FAM135A: variants seen among roughly 807,000 people sequenced by gnomAD.
The protein encoded by FAM135A is family with sequence similarity 135 member A.
A neutral mutation model predicts 146.8 loss-of-function variants in FAM135A; 79 were observed. The ratio of observed to expected loss-of-function variants is 0.54; its 90% CI spans 0.45 to 0.65. The LOEUF (loss-of-function observed/expected upper bound fraction) is 0.65. Ranked by LOEUF, FAM135A falls within the 30% of genes least tolerant of loss-of-function variation. The pLI is 0.00. For synonymous variants in FAM135A, 562 were observed against 603.6 expected, an observed-to-expected ratio of 0.93 and a Z score of 1.01; for missense variants, 1,623 against 1,758.2, an observed-to-expected ratio of 0.92 and a Z score of 1.38.
At chr6:70,515,835 G>A (rs139090694) in intron 12 of FAM135A, among the ~76,000 whole-genome samples, 1 of 152,064 alleles carries the variant, frequency 6.6e-6, no homozygotes, top group East Asian at 1.9e-4. Flanking sequence ...AAGAGGGGAA[G>A]CTGGATGTGT....
chr6:70,480,460 G>A (rs1342650668), intron 8 of FAM135A, among the ~76,000 whole-genome samples: 1 of 152,128 alleles, frequency 6.6e-6, no homozygotes, highest in African/African-American at 2.4e-5. Flanking sequence ...AGAGGCATCA[G>A]GTAGATTTAG....
chr6:70,417,739 A>G (rs1361222959), intron 2 of FAM135A: 8 of 451,990 alleles, frequency 1.8e-5, no homozygotes, highest in South Asian at 1.9e-4. Context: ...AAATACTGCT[A>G]TCTATAAATG....
At chr6:70,466,189 C>A (rs369400358) in intron 5 of FAM135A, among the ~76,000 whole-genome samples, 2 of 152,026 alleles carry the variant, frequency 1.3e-5, no homozygotes, top group Non-Finnish European at 2.9e-5. Context: ...CATTTTTTGA[C>A]GATTACATAA....
chr6:70,531,052 C>T (rs1795713282), intron 16 of FAM135A, among the ~76,000 whole-genome samples: 1 of 152,104 alleles, frequency 6.6e-6, no homozygotes, highest in Non-Finnish European at 1.5e-5. Context: ...TAATGATTTC[C>T]CATCAAAATT....
chr6:70,417,503 A>G (rs889669618), intron 2 of FAM135A: 1 of 659,892 alleles, frequency 1.5e-6, no homozygotes, highest in South Asian at 6.8e-5. Context: ...ATGAACTACT[A>G]TGCCTGGCTG....
chr6:70,510,500 T>C (rs549326116), intron 12 of FAM135A, among the ~76,000 whole-genome samples: 16 of 152,228 alleles, frequency 1.1e-4, no homozygotes, highest in African/African-American at 3.4e-4. Context: ...TTTACTGATC[T>C]TGGAAGTTTC....
Position 70,524,391 on chromosome 6 carries a change from C to T in FAM135A, c.1307C>T (p.Ser436Phe), listed in dbSNP as rs1488139073. 6.6e-7 allele frequency: 1 copy of T among 1,516,366 alleles called. No individual in the cohort carries two copies. Among genetic ancestry groups the T allele is most frequent in the South Asian group, 1.3e-5 (1 of 76,906 alleles). 93.9% of individuals were successfully genotyped at this position (1,516,366 alleles called of 1,614,324 possible). ...ATTCAGAATCTTCAGAGATCAGAGT[C>T]CAGTAAAATGGATAAATATGAGACT... ...MGIQNLQRSE[S>F]SKMDKYETEE... is the part of the protein sequence containing the mutation. Residue 436 changes from serine to phenylalanine, a missense_variant, in exon 15 of 22, where the codon TCC (serine) becomes TTC (phenylalanine). Physicochemically the swap from Ser to Phe is radical, Grantham distance 155 (BLOSUM62 -2). Around this residue, in one of 7 missense-constraint regions of FAM135A, gnomAD observed 1,061 missense variants for 1,113.8 expected, o/e 0.95. Coordinates refer to ENST00000418814, the MANE Select transcript of FAM135A (RefSeq NM_001162529.3).
intron 9 of FAM135A, among the ~76,000 whole-genome samples, chr6:70,481,705 T>TA (rs1783736517): frequency 1.3e-5 from 2 of 151,154 alleles, no homozygotes; most frequent in South Asian, 4.2e-4. Context: ...AAAGGGGACA[T>TA]ACTATAAAAG....
intron 9 of FAM135A, 91 bp from the exon 10 acceptor site, chr6:70,481,910 T>C: frequency 2.4e-6 from 3 of 1,234,540 alleles, no homozygotes; most frequent in South Asian, 3.5e-5. Context: ...AGTTGACAGA[T>C]GGTTAAGTAT....
chr6:70,428,995 A>C (rs922976412), intron 4 of FAM135A, among the ~76,000 whole-genome samples: 2 of 152,192 alleles, frequency 1.3e-5, no homozygotes, highest in African/African-American at 4.8e-5. Flanking sequence ...GTTTTGGCTA[A>C]GATCAATAAG....
At chr6:70,416,337 A>G (rs1767571080) in intron 2 of FAM135A, among the ~76,000 whole-genome samples, 1 of 152,244 alleles carries the variant, frequency 6.6e-6, no homozygotes, top group South Asian at 2.1e-4. Context: ...AGGAAATGTA[A>G]GAGTTACACC....
intron 5 of FAM135A, among the ~76,000 whole-genome samples, chr6:70,474,423 C>T (rs1274181964): frequency 2.6e-5 from 4 of 152,148 alleles, no homozygotes; most frequent in Non-Finnish European, 5.9e-5. Flanking sequence ...CCACAAGACT[C>T]CCCTCACGTC....
rs1442179882 is a variant in FAM135A, at chr6:70,524,532, AGAAT to A, written c.1452_1455del (p.Asn484LysfsTer14). The A allele has an allele frequency of 9.0e-6, 14 of 1,550,830 alleles. No individual in the cohort carries two copies. Among genetic ancestry groups the A allele is most frequent in the Non-Finnish European group, 1.1e-5 (13 of 1,146,686 alleles). On this transcript the variant is annotated frameshift_variant, in exon 15 of 22. Coordinates refer to ENST00000418814, the MANE Select transcript of FAM135A (RefSeq NM_001162529.3). LOFTEE classifies it high-confidence loss of function. ...CAGCTAACAAAATCTCTAAAAGGAAAGAATGAAGAATCAAATAAATCCAAAGTTA... is the reference window on the plus strand; with the variant it reads ...CAGCTAACAAAATCTCTAAAAGGAAAGAAGAATCAAATAAATCCAAAGTTA...
intron 5 of FAM135A, among the ~76,000 whole-genome samples, chr6:70,458,520 A>T (rs767440502): frequency 6.6e-6 from 1 of 152,142 alleles, no homozygotes; most frequent in Non-Finnish European, 1.5e-5. Flanking sequence ...CACTATTCCC[A>T]ACATGATTAC....
At chr6:70,521,092 T>C (rs143963048) in intron 12 of FAM135A, among the ~76,000 whole-genome samples, 2 of 152,356 alleles carry the variant, frequency 1.3e-5, no homozygotes, top group African/African-American at 2.4e-5. Context: ...CTAGAGGTTT[T>C]TTTTTGTTTG....
intron 5 of FAM135A, among the ~76,000 whole-genome samples, chr6:70,463,272 T>C (rs1318732854): frequency 6.6e-6 from 1 of 152,016 alleles, no homozygotes; most frequent in Non-Finnish European, 1.5e-5. Flanking sequence ...TTTTTTGAGA[T>C]AGGGTCTTGC....
In FAM135A at chr6:70,525,824, A is replaced by C. The variant is rs751651719; in HGVS notation, c.2740A>C (p.Asn914His). 1 of 1,612,630 alleles carries C rather than the reference A, an allele frequency of 6.2e-7. No individual in the cohort carries two copies. Among genetic ancestry groups the C allele is most frequent in the South Asian group, 1.1e-5 (1 of 90,820 alleles). The change falls in exon 15 of 22, where the codon AAT becomes CAT. Residue 914 changes from asparagine to histidine, a missense_variant. Asn to His is a moderately conservative substitution (Grantham distance 68). This residue lies in a region of FAM135A where 1,061 missense variants were observed against 1,113.8 expected (regional missense o/e 0.95). Transcript: ENST00000418814. ...TGAAACTGTAGCAATACATTCCTTA[A>C]ATTCAAGCATTAAAGACCCTTTACA... ...DNETVAIHSLNSSIKDPLQFV... is the reference protein window; with the variant it reads ...DNETVAIHSLHSSIKDPLQFV...
At chr6:70,428,475 T>A in intron 4 of FAM135A, 56 bp downstream of exon 4, 1 of 1,148,088 alleles carries the variant, frequency 8.7e-7, no homozygotes, top group Non-Finnish European at 1.2e-6. Context: ...AGTTTAAATT[T>A]AAATTTAATT....
chr6:70,415,482 T>C (rs1232069520), intron 2 of FAM135A, 106 bp downstream of exon 2: 1 of 152,196 alleles, frequency 6.6e-6, no homozygotes, highest in Non-Finnish European at 1.5e-5. Context: ...TAGGAGGCTC[T>C]GGTGTCATCA....
Sources: allele counts gnomAD v4.1 joint callset (sites outside exome capture counted in the v4.1 genomes callset), GRCh38; gene constraint gnomAD v4.1.1; regional missense constraint gnomAD v4.1.1; transcripts MANE v1.5; gene names NCBI Gene and HGNC (gene_info 2026-07-23, HGNC 2026-07-21).